Variants in COBLL1 observed in about 807,000 individuals in gnomAD.
COBLL1 encodes the protein cordon-bleu WH2 repeat protein like 1.
Under a neutral mutation model 94.8 loss-of-function variants are expected in COBLL1, and 50 were observed. The observed-to-expected ratio is 0.53, with a 90% CI of 0.42 to 0.67. The LOEUF (loss-of-function observed/expected upper bound fraction) is 0.67, where lower values mean the gene tolerates loss of function less well. Among genes scored for constraint, COBLL1 ranks in the 30% least tolerant of loss-of-function variants. COBLL1 has a pLI of 0.00. For synonymous variants in COBLL1, 448 were observed against 473.8 expected (o/e 0.95, Z 0.71); for missense variants, 1,362 against 1,348.7 (o/e 1.01, Z -0.15).
intron 9 of COBLL1, among the ~76,000 whole-genome samples, chr2:164,701,386 G>C (rs953861347): frequency 6.6e-6 from 1 of 152,192 alleles, no homozygotes; most frequent in South Asian, 2.1e-4. Context: ...AATACAAATA[G>C]AGCAAGTATT....
intron 2 of COBLL1, among the ~76,000 whole-genome samples, chr2:164,758,424 T>A (rs774922762): frequency 6.6e-6 from 1 of 151,998 alleles, no homozygotes; most frequent in Non-Finnish European, 1.5e-5. Context: ...CCAAATAACT[T>A]CTCTCAATAA....
chr2:164,727,033 T>C, intron 5 of COBLL1: 1 of 770,174 alleles, frequency 1.3e-6, no homozygotes, highest in Non-Finnish European at 2.1e-6. Flanking sequence ...TAAGAAAGGG[T>C]AAAATTAGAA....
chr2:164,813,287 G>A (rs1362571664), intron 2 of COBLL1, among the ~76,000 whole-genome samples: 1 of 152,150 alleles, frequency 6.6e-6, no homozygotes, highest in East Asian at 1.9e-4. Context: ...TCTTAGTAAT[G>A]CACTTATTTT....
intron 2 of COBLL1, among the ~76,000 whole-genome samples, chr2:164,749,687 T>A (rs1687032440): frequency 6.6e-6 from 1 of 152,204 alleles, no homozygotes; most frequent in Non-Finnish European, 1.5e-5. Context: ...AGCCCTTTTT[T>A]CTTGATGAGC....
In COBLL1 at chr2:164,694,182, T is replaced by A. The variant is rs1487327227; in HGVS notation, c.3123+87A>T. On this transcript the variant is annotated intron_variant, in intron 12 of 13. Transcript: ENST00000652658. ...AGATGAATATGAGTTCAGAGTTAAG[T>A]AGCACACAAACATCAACATGCTTGT... 5.5e-6 allele frequency: 7 copies of A among 1,268,016 alleles called. 1 individual carries two copies. The East Asian group carries it at 1.6e-4, about 29-fold the overall frequency. 78.5% of individuals were successfully genotyped at this position (1,268,016 alleles called of 1,614,324 possible). A position where few individuals can be genotyped will look rare whatever the true frequency, so the allele number is the denominator to read the frequency against.
At chr2:164,805,309 C>G (rs1360666287) in intron 2 of COBLL1, among the ~76,000 whole-genome samples, 671 of 32,292 alleles carry the variant, frequency 0.021, 71 homozygotes, top group Admixed American at 0.025. Flanking sequence ...CTCTCTCTCT[C>G]TCTCTCTCTC....
At chr2:164,764,012 C>T (rs1687818910) in intron 2 of COBLL1, among the ~76,000 whole-genome samples, 1 of 152,170 alleles carries the variant, frequency 6.6e-6, no homozygotes, top group Non-Finnish European at 1.5e-5. Context: ...CCTCCTGCCT[C>T]AGCCTCCAGA....
intron 2 of COBLL1, among the ~76,000 whole-genome samples, 182 bp downstream of exon 2, chr2:164,840,974 C>T (rs1465508886): frequency 6.6e-6 from 1 of 152,138 alleles, no homozygotes; most frequent in Non-Finnish European, 1.5e-5. Flanking sequence ...CCCGAGCCCT[C>T]CGCCCGGGCG....
intron 7 of COBLL1, among the ~76,000 whole-genome samples, chr2:164,713,137 C>G (rs1684989610): frequency 6.6e-6 from 1 of 152,116 alleles, no homozygotes; most frequent in Admixed American, 6.5e-5. Context: ...CCTCCACACT[C>G]CTGAAAATCT....
In COBLL1 at chr2:164,841,700, A is replaced by C. The variant is rs1442205438; in HGVS notation, c.-51+10T>G. The C allele has an allele frequency of 2.2e-6, 1 of 456,718 alleles. No homozygotes were observed. Among genetic ancestry groups the C allele is most frequent in the African/African-American group, 2.1e-5 (1 of 48,416 alleles). 28.3% of individuals were successfully genotyped at this position (456,718 alleles called of 1,614,324 possible). On this transcript the variant is annotated intron_variant, in intron 1 of 13. Transcript: ENST00000652658. The surrounding 1 kb of genome is among the most constrained non-coding windows in gnomAD (Gnocchi z 5.5). ...GGGCTGATCTCTCTTTTCCCACCCA[A>C]GGCTCCTACGTTCTTTTCCAAAGGA...
rs1227623099 is a variant in COBLL1 at position 164,783,512 on chromosome 2, C to T, written c.42-39637G>A. Reference sequence around the variant, plus strand: ...GGCTGTGGCTCTGAAGAAAGCAGTTCAGTGAATCAGTGTGGTCAGAAGCAC... The same window carrying T: ...GGCTGTGGCTCTGAAGAAAGCAGTTTAGTGAATCAGTGTGGTCAGAAGCAC... On this transcript the variant is annotated intron_variant, in intron 2 of 13. Transcript: ENST00000652658. 2.0e-5 allele frequency among the ~76,000 whole-genome samples: 3 copies of T among 152,112 alleles called. 1 individual carries two copies. Among genetic ancestry groups the T allele is most frequent in the Non-Finnish European group, 4.4e-5 (3 of 68,014 alleles).
intron 7 of COBLL1, among the ~76,000 whole-genome samples, chr2:164,713,624 T>C (rs1574457913): frequency 1.3e-5 from 2 of 152,320 alleles, no homozygotes; most frequent in Non-Finnish European, 2.9e-5. Flanking sequence ...TATTAGTCAA[T>C]GGTAACATGG....
intron 2 of COBLL1, among the ~76,000 whole-genome samples, chr2:164,836,100 A>G (rs1049419263): frequency 6.6e-6 from 1 of 152,128 alleles, no homozygotes; most frequent in African/African-American, 2.4e-5. Flanking sequence ...AAGGGCAAGT[A>G]TAGCATTTTT....
intron 2 of COBLL1, among the ~76,000 whole-genome samples, chr2:164,835,355 A>C (rs1410397700): frequency 6.6e-6 from 1 of 152,232 alleles, no homozygotes; most frequent in Non-Finnish European, 1.5e-5. Context: ...TAAAGTACTG[A>C]TATATACTAC....
chr2:164,746,324 T>G (rs955135059), intron 2 of COBLL1, among the ~76,000 whole-genome samples: 2 of 152,170 alleles, frequency 1.3e-5, no homozygotes, highest in African/African-American at 2.4e-5. Flanking sequence ...GACTAAACTT[T>G]CAGGGGTCAT....
intron 11 of COBLL1, chr2:164,696,055 G>T: frequency 2.2e-6 from 1 of 454,758 alleles, no homozygotes; most frequent in South Asian, 3.7e-5. Context: ...AACTAGTGTG[G>T]CCACAACATG....
chr2:164,819,419 T>G (rs1685047407), intron 2 of COBLL1, among the ~76,000 whole-genome samples: 1 of 152,120 alleles, frequency 6.6e-6, no homozygotes, highest in African/African-American at 2.4e-5. Flanking sequence ...TTTCTCAAAC[T>G]TATGAATATT....
chr2:164,704,597 T>C, intron 8 of COBLL1, 79 bp from the exon 9 acceptor site: 1 of 1,225,474 alleles, frequency 8.2e-7, no homozygotes, highest in Non-Finnish European at 1.2e-6. Flanking sequence ...CTTAGTTATA[T>C]AGTTCAGAAA....
At chr2:164,721,883 T>C (rs1003276849) in intron 7 of COBLL1, 192 bp downstream of exon 7, 16 of 421,256 alleles carry the variant, frequency 3.8e-5, no homozygotes, top group African/African-American at 1.2e-4. Context: ...TGTATGTACA[T>C]AGAAGATCTA....
Sources: gnomAD v4.1 joint callset for allele counts (sites outside exome capture counted in the v4.1 genomes callset) on GRCh38, gnomAD v4.1.1 for gene constraint, Gnocchi (gnomAD v3.1) non-coding constraint, MANE v1.5 for transcripts, NCBI Gene and HGNC (gene_info 2026-07-23, HGNC 2026-07-21) for gene names.